Variants in SLURP2 observed in about 807,000 individuals in gnomAD.
The protein encoded by SLURP2 is secreted Ly-6/uPAR domain-containing protein 2.
In SLURP2, 4 loss-of-function variants were observed where a neutral mutation model predicts 9.8. The observed-to-expected ratio is 0.41, with a 90% CI of 0.20 to 0.94. The LOEUF (loss-of-function observed/expected upper bound fraction) is 0.94. Ranked by LOEUF, SLURP2 falls within the 40% of genes least tolerant of loss-of-function variation. The probability of loss-of-function intolerance (pLI) is 0.32; values close to 1 mark genes in which losing one functional copy is unlikely to be tolerated. For missense variants in SLURP2, 118 were observed against 126.4 expected (o/e 0.93, Z 0.32); for synonymous variants, 58 against 56.2 (o/e 1.03, Z -0.15).
chr8:142,765,452 A>G (rs1814972226), intron 1 of SLURP2, among the ~76,000 whole-genome samples: 1 of 141,544 alleles, frequency 7.1e-6, no homozygotes, highest in African/African-American at 2.6e-5. Flanking sequence ...AGCCTGGGCT[A>G]TTTGGGGTCC....
Position 142,765,127 on chromosome 8 carries a change from G to A in SLURP2, c.66C>T (p.Ala22=), listed in dbSNP as rs151315564. ...VLSLQLAAAE[A]IWCHQCTGFG... Reference sequence around the variant, plus strand: ...AGCCCGTGCACTGGTGACACCATATGGCTTCGGCTGCAGCTGCGGACATGG... The same window carrying A: ...AGCCCGTGCACTGGTGACACCATATAGCTTCGGCTGCAGCTGCGGACATGG... Residue 22 remains alanine (A), a synonymous_variant, in exon 2 of 3, where the codon GCC becomes GCT. Coordinates refer to ENST00000317543, the MANE Select transcript of SLURP2 (RefSeq NM_177458.3). The A allele has an allele frequency of 8.7e-6, 14 of 1,609,446 alleles. No homozygotes were observed. Among genetic ancestry groups the A allele is most frequent in the Non-Finnish European group, 1.2e-5 (14 of 1,178,348 alleles).
intron 1 of SLURP2, among the ~76,000 whole-genome samples, chr8:142,765,690 G>A (rs1418724592): frequency 2.0e-5 from 3 of 152,304 alleles, no homozygotes; most frequent in Middle Eastern, 3.4e-3. Flanking sequence ...GCCGGGCGCG[G>A]TGGCTCACGC....
chr8:142,767,840 C>T (rs1563834212), intron 1 of SLURP2, among the ~76,000 whole-genome samples: 1 of 152,092 alleles, frequency 6.6e-6, no homozygotes, highest in African/African-American at 2.4e-5. Flanking sequence ...CTACCCATTC[C>T]TCAGTGCTCC....
Position 142,764,526 on chromosome 8 carries a change from A to C in SLURP2, c.*79T>G. The C allele has an allele frequency of 7.0e-7, 1 of 1,430,514 alleles. No individual in the cohort carries two copies. The highest frequency in any genetic ancestry group is 9.6e-7 in the Non-Finnish European group (1 of 1,039,050). 88.6% of individuals were successfully genotyped at this position (1,430,514 alleles called of 1,614,324 possible). On this transcript the variant is annotated 3_prime_UTR_variant, in exon 3 of 3. Coordinates refer to ENST00000317543, the MANE Select transcript of SLURP2 (RefSeq NM_177458.3). Reference sequence around the variant, plus strand: ...GAGGTGGGCTGGCCAGTCTCGAGGGAGGGGCAGCTGTGAGCCCTGGCGCCA... The same window carrying C: ...GAGGTGGGCTGGCCAGTCTCGAGGGCGGGGCAGCTGTGAGCCCTGGCGCCA...
At chr8:142,767,817 T>G (rs1001255802) in intron 1 of SLURP2, among the ~76,000 whole-genome samples, 11 of 152,068 alleles carry the variant, frequency 7.2e-5, no homozygotes, top group African/African-American at 2.7e-4. Flanking sequence ...CCTCTGAGGC[T>G]GGGCAGGGCG....
chr8:142,765,204 G>T (rs1009186472), intron 1 of SLURP2, 64 bp from the exon 2 acceptor site: 2 of 1,285,064 alleles, frequency 1.6e-6, no homozygotes, highest in African/African-American at 1.5e-5. Context: ...ACCTTCTGCA[G>T]TGACGGCACG....
At position 142,764,417 on chromosome 8, in the gene SLURP2, T is replaced by C. The variant is rs1250258442; in HGVS notation, c.*188A>G. 8 of 710,650 alleles carry C rather than the reference T, an allele frequency of 1.1e-5. No homozygotes were observed. The highest frequency in any genetic ancestry group is 4.9e-6 in the Non-Finnish European group (2 of 404,494). 44.0% of individuals were successfully genotyped at this position (710,650 alleles called of 1,614,324 possible). On this transcript the variant is annotated 3_prime_UTR_variant, in exon 3 of 3. Coordinates refer to ENST00000317543, the MANE Select transcript of SLURP2 (RefSeq NM_177458.3). The stretch of plus-strand genomic sequence containing the variant: ...GCGGCAGGCACGATGGGCCCCAGGC[T>C]TGGACGGCAGCAGATTGAGGCAAGA...
At chr8:142,765,915 A>G (rs1195387734) in intron 1 of SLURP2, among the ~76,000 whole-genome samples, 4 of 151,838 alleles carry the variant, frequency 2.6e-5, no homozygotes, top group African/African-American at 7.2e-5. Flanking sequence ...GTGAGCCGAG[A>G]TCGCGCCACT....
Position 142,764,669 on chromosome 8 carries a change from C to T in SLURP2, c.230G>A (p.Ser77Asn). 1 of 1,611,940 alleles carries T rather than the reference C, an allele frequency of 6.2e-7. No individual in the cohort carries two copies. Among genetic ancestry groups the T allele is most frequent in the Admixed American group, 1.7e-5 (1 of 59,254 alleles). The change falls in exon 3 of 3, where the codon AGC becomes AAC. Residue 77 changes from serine to asparagine, a missense_variant. By Grantham distance (46) the Ser-to-Asn change is conservative. Coordinates refer to ENST00000317543, the MANE Select transcript of SLURP2 (RefSeq NM_177458.3). ...MCHIGCPDIP[S>N]LGLGPYVSIA... ...GGATACGTAGGGGCCCAGGCCCAGG[C>T]TGGGGATATCGGGGCAGCCTATGTG...
Position 142,768,534 on chromosome 8 carries a change from G to A in SLURP2, c.52+1221C>T, listed in dbSNP as rs1388428591. On this transcript the variant is annotated intron_variant, in intron 1 of 2. Transcript: ENST00000317543. The surrounding 1 kb of genome is among the most constrained non-coding windows in gnomAD (Gnocchi z 4.8). ...ATTTCAGCAGAAGGAAGGGCTCCAG[G>A]AGCCCTGGTGCAGGGAAGGGCCTCT... Among the ~76,000 whole-genome samples the A allele has an allele frequency of 3.3e-5, 5 of 152,084 alleles. No individual in the cohort carries two copies. Among genetic ancestry groups the A allele is most frequent in the Non-Finnish European group, 7.4e-5 (5 of 67,972 alleles).
chr8:142,765,750 CA>C (rs1273798915), intron 1 of SLURP2, among the ~76,000 whole-genome samples: 1 of 152,094 alleles, frequency 6.6e-6, no homozygotes, highest in East Asian at 1.9e-4. Context: ...CACTTGAGGT[CA>C]GAAGTTCAAG....
chr8:142,764,689 T>C lies in SLURP2; in HGVS notation c.210A>G (p.Ile70Met). ...CCAGGCTGGGGATATCGGGGCAGCC[T>C]ATGTGGCACATCTTGGTGACCAGAG... Reference protein sequence around the residue: ...DLPLVTKMCHIGCPDIPSLGL... With the variant: ...DLPLVTKMCHMGCPDIPSLGL... The change falls in exon 3 of 3, where the codon ATA becomes ATG. Residue 70 changes from isoleucine to methionine, a missense_variant. Ile to Met is a conservative substitution (Grantham distance 10). Coordinates refer to ENST00000317543, the MANE Select transcript of SLURP2 (RefSeq NM_177458.3). 6.2e-7 allele frequency: 1 copy of C among 1,613,058 alleles called. No homozygotes were observed. Among genetic ancestry groups the C allele is most frequent in the Non-Finnish European group, 8.5e-7 (1 of 1,179,648 alleles).
At chr8:142,769,465 G>A (rs2130083002) in intron 1 of SLURP2, among the ~76,000 whole-genome samples, 1 of 150,782 alleles carries the variant, frequency 6.6e-6, no homozygotes, top group East Asian at 2.0e-4. Flanking sequence ...TGTGAGGGGT[G>A]TCGCGGTGGA....
At chr8:142,767,422 C>T (rs1286723715) in intron 1 of SLURP2, among the ~76,000 whole-genome samples, 1 of 152,252 alleles carries the variant, frequency 6.6e-6, no homozygotes, top group South Asian at 2.1e-4. Flanking sequence ...TCAACACTGG[C>T]AGCCACAGGC....
At chr8:142,765,688 C>G (rs984997700) in intron 1 of SLURP2, among the ~76,000 whole-genome samples, 1 of 152,124 alleles carries the variant, frequency 6.6e-6, no homozygotes, top group Non-Finnish European at 1.5e-5. Context: ...AGGCCGGGCG[C>G]GGTGGCTCAC....
chr8:142,764,547 C>T lies in SLURP2; in HGVS notation c.*58G>A, dbSNP rs587603603. On this transcript the variant is annotated 3_prime_UTR_variant, in exon 3 of 3. Coordinates refer to ENST00000317543, the MANE Select transcript of SLURP2 (RefSeq NM_177458.3). ...AGGGAGGGGCAGCTGTGAGCCCTGG[C>T]GCCAGGCTGTGGGGGCTGTGGGGGC... 2,094 of 1,575,060 alleles carry T rather than the reference C, an allele frequency of 1.3e-3. 32 individuals are homozygous for T. In the African/African-American group the frequency reaches 0.025, roughly 19 times the overall value.
chr8:142,765,917 C>T (rs1015144172), intron 1 of SLURP2, among the ~76,000 whole-genome samples: 5 of 150,996 alleles, frequency 3.3e-5, no homozygotes, highest in African/African-American at 4.9e-5. Flanking sequence ...GAGCCGAGAT[C>T]GCGCCACTGC....
intron 1 of SLURP2, among the ~76,000 whole-genome samples, chr8:142,765,602 T>G (rs1814978564): frequency 6.6e-6 from 1 of 152,144 alleles, no homozygotes; most frequent in African/African-American, 2.4e-5. Context: ...GGGCCGTTCC[T>G]GCCTCCACAG....
chr8:142,769,659 C>G (rs1355764778), intron 1 of SLURP2, 96 bp downstream of exon 1: 1 of 1,132,868 alleles, frequency 8.8e-7, no homozygotes, highest in African/African-American at 1.5e-5. Context: ...TGGGTTCTCC[C>G]GAGGTGGGCA....
Sources: gnomAD v4.1 joint callset for allele counts (sites outside exome capture counted in the v4.1 genomes callset) on GRCh38, gnomAD v4.1.1 for gene constraint, Gnocchi (gnomAD v3.1) non-coding constraint, MANE v1.5 for transcripts, NCBI Gene and HGNC (gene_info 2026-07-23, HGNC 2026-07-21) for gene names.